The following TMEM243 variants were observed in gnomAD, a reference collection of about 807,000 sequenced individuals.
TMEM243 encodes MDR1 and mitochondrial taxol resistance associated.
A neutral mutation model predicts 15.0 loss-of-function variants in TMEM243; 20 were observed. The ratio of observed to expected loss-of-function variants is 1.33; its 90% CI spans 0.94 to 1.93. The LOEUF (loss-of-function observed/expected upper bound fraction) is 1.93. Among genes scored for constraint, TMEM243 ranks in the 30% most tolerant of loss-of-function variants. The pLI is 0.00. For synonymous variants in TMEM243, 72 were observed against 52.7 expected, an observed-to-expected ratio of 1.37 and a Z score of -1.59; for missense variants, 156 against 142.1, an observed-to-expected ratio of 1.10 and a Z score of -0.50.
In TMEM243 at chr7:87,207,411, C is replaced by T. The variant is rs532251694; in HGVS notation, c.79-8354G>A. 4.8e-3 allele frequency among the ~76,000 whole-genome samples: 55 copies of T among 11,560 alleles called. 17 individuals carry two copies. Among genetic ancestry groups the T allele is most frequent in the Non-Finnish European group, 8.5e-3 (36 of 4,260 alleles). 7.6% of individuals were successfully genotyped at this position (11,560 alleles called of 152,430 possible). A position where few individuals can be genotyped will look rare whatever the true frequency, so the allele number is the denominator to read the frequency against. On this transcript the variant is annotated intron_variant, in intron 1 of 3. Coordinates refer to ENST00000257637, the MANE Select transcript of TMEM243 (RefSeq NM_024315.4). ...GAGTTCGAGACCATCCTGGCTAACACGGTGAAACCCCGTCTCTACTAAAAA... is the reference window on the plus strand; with the variant it reads ...GAGTTCGAGACCATCCTGGCTAACATGGTGAAACCCCGTCTCTACTAAAAA...
chr7:87,197,014 C>A (rs1238492297), intron 3 of TMEM243, among the ~76,000 whole-genome samples: 1 of 152,062 alleles, frequency 6.6e-6, no homozygotes, highest in African/African-American at 2.4e-5. Context: ...CACCAGTCAT[C>A]TGGCAAGCTA....
intron 1 of TMEM243, among the ~76,000 whole-genome samples, chr7:87,213,653 C>T (rs1396727539): frequency 6.6e-6 from 1 of 152,168 alleles, no homozygotes; most frequent in Non-Finnish European, 1.5e-5. Context: ...TAAGCGACAA[C>T]AAAAATGGCA....
At chr7:87,202,528 A>T (rs1562879219) in intron 1 of TMEM243, among the ~76,000 whole-genome samples, 23 of 152,228 alleles carry the variant, frequency 1.5e-4, no homozygotes. Context: ...GATATATGCA[A>T]CTGGTTTGTA....
chr7:87,214,830 T>C (rs1802992648), intron 1 of TMEM243, among the ~76,000 whole-genome samples: 1 of 152,206 alleles, frequency 6.6e-6, no homozygotes, highest in African/African-American at 2.4e-5. Flanking sequence ...AGTGAGATCT[T>C]GGGGTGGGAC....
At chr7:87,211,931 G>A (rs996961795) in intron 1 of TMEM243, among the ~76,000 whole-genome samples, 5 of 152,206 alleles carry the variant, frequency 3.3e-5, no homozygotes, top group Admixed American at 3.3e-4. Flanking sequence ...CCGAGAGCAC[G>A]GGATGTGCAA....
chr7:87,219,117 T>C (rs1803307666), intron 1 of TMEM243, among the ~76,000 whole-genome samples: 1 of 151,934 alleles, frequency 6.6e-6, no homozygotes, highest in East Asian at 1.9e-4. Flanking sequence ...CTGCTGGAGG[T>C]GCAGCTGTAC....
At chr7:87,201,958 T>C (rs1801842812) in intron 1 of TMEM243, among the ~76,000 whole-genome samples, 1 of 152,152 alleles carries the variant, frequency 6.6e-6, no homozygotes, top group South Asian at 2.1e-4. Flanking sequence ...AGATTTAGGA[T>C]TTCCTTCCCA....
chr7:87,209,793 C>T (rs1485088639), intron 1 of TMEM243, among the ~76,000 whole-genome samples: 8 of 55,448 alleles, frequency 1.4e-4, no homozygotes, highest in Admixed American at 3.7e-4. Flanking sequence ...ACAGTGAGAG[C>T]GAGACAGAGC....
intron 3 of TMEM243, 65 bp from the exon 4 acceptor site, chr7:87,196,823 A>G (rs1220985072): frequency 1.0e-5 from 12 of 1,172,992 alleles, no homozygotes; most frequent in Non-Finnish European, 1.4e-5. Flanking sequence ...ACCAATTTCA[A>G]ATTTCATTAG....
At chr7:87,200,680 A>G (rs1234548399) in intron 1 of TMEM243, among the ~76,000 whole-genome samples, 1 of 152,208 alleles carries the variant, frequency 6.6e-6, no homozygotes, top group African/African-American at 2.4e-5. Flanking sequence ...CTCTTTAAAA[A>G]TTCTAGGATG....
chr7:87,198,321 G>T, intron 2 of TMEM243: 3 of 322,156 alleles, frequency 9.3e-6, no homozygotes, highest in Non-Finnish European at 1.7e-5. Flanking sequence ...CTCACTCCCA[G>T]GATTAATGAT....
At position 87,204,189 on chromosome 7, in the gene TMEM243, T is replaced by C. The variant is rs989147601; in HGVS notation, c.79-5132A>G. Among the ~76,000 whole-genome samples, 18 of 152,116 alleles carry C rather than the reference T, an allele frequency of 1.2e-4. No homozygotes were observed. The South Asian group carries it at 1.7e-3, about 14-fold the overall frequency. Reference sequence around the variant, plus strand: ...CTCATTCACTACTACGAGAACAGTATGGGGGAAACCGTCCCCATGATTCAG... The same window carrying C: ...CTCATTCACTACTACGAGAACAGTACGGGGGAAACCGTCCCCATGATTCAG... On this transcript the variant is annotated intron_variant, in intron 1 of 3. Coordinates refer to ENST00000257637, the MANE Select transcript of TMEM243 (RefSeq NM_024315.4).
At chr7:87,219,822 G>A (rs897161367), upstream of TMEM243, 17 of 378,296 alleles carry the variant, frequency 4.5e-5, no homozygotes, top group Non-Finnish European at 8.2e-5. Flanking sequence ...CCTTGGCGCC[G>A]CGTGGCTCTC....
At chr7:87,209,517 TGAGAGA>T (rs760169369) in intron 1 of TMEM243, among the ~76,000 whole-genome samples, 6 of 64,804 alleles carry the variant, frequency 9.3e-5, no homozygotes, top group Admixed American at 4.4e-4. Context: ...AGAAAGACAG[TGAGAGA>T]GAGAGTGAGA....
intron 1 of TMEM243, among the ~76,000 whole-genome samples, chr7:87,219,044 C>T (rs1470000045): frequency 6.6e-6 from 1 of 152,022 alleles, no homozygotes; most frequent in African/African-American, 2.4e-5. Flanking sequence ...TCAGAAGCAC[C>T]CCTTCTCGGC....
chr7:87,201,028 ATGAATAC>A (rs1801767138), intron 1 of TMEM243, among the ~76,000 whole-genome samples: 1 of 152,232 alleles, frequency 6.6e-6, no homozygotes, highest in South Asian at 2.1e-4. Context: ...CTAAACTTTA[ATGAATAC>A]TTTCCTGCCT....
chr7:87,212,164 C>T lies in TMEM243; in HGVS notation c.78+7262G>A, dbSNP rs547120430. Among the ~76,000 whole-genome samples the T allele has an allele frequency of 2.0e-5, 3 of 152,284 alleles. No individual in the cohort carries two copies. In the South Asian group the frequency reaches 6.2e-4, roughly 32 times the overall value. ...CCCCTACAAGAGAGTATCTGACATT[C>T]AGTAGAGGGTCAGTAAATGGCAGCT... On this transcript the variant is annotated intron_variant, in intron 1 of 3. Transcript: ENST00000257637.
chr7:87,206,868 G>A (rs962521258), intron 1 of TMEM243, among the ~76,000 whole-genome samples: 3 of 152,160 alleles, frequency 2.0e-5, no homozygotes, highest in Non-Finnish European at 2.9e-5. Context: ...AATGGCCAAC[G>A]GTATTTTCTT....
At chr7:87,200,780 G>A (rs1262149946) in intron 1 of TMEM243, among the ~76,000 whole-genome samples, 1 of 152,118 alleles carries the variant, frequency 6.6e-6, no homozygotes, top group Non-Finnish European at 1.5e-5. Flanking sequence ...AAGTGATAAA[G>A]ACAAGATTCA....
Sources: gnomAD v4.1 joint callset for allele counts (sites outside exome capture counted in the v4.1 genomes callset) on GRCh38, gnomAD v4.1.1 for gene constraint, MANE v1.5 for transcripts, NCBI Gene and HGNC (gene_info 2026-07-23, HGNC 2026-07-21) for gene names.